The following PIKFYVE variants were observed in gnomAD, a reference collection of about 807,000 sequenced individuals.
The protein encoded by PIKFYVE is phosphoinositide kinase, FYVE-type zinc finger containing.
In PIKFYVE, 122 loss-of-function variants were observed where a neutral mutation model predicts 257.9. The ratio of observed to expected loss-of-function variants is 0.47; its 90% CI spans 0.41 to 0.55. PIKFYVE has a LOEUF of 0.55. PIKFYVE is among the 20% of genes least tolerant of loss of function. The probability of loss-of-function intolerance (pLI) is 0.00; values close to 1 mark genes in which losing one functional copy is unlikely to be tolerated. For synonymous variants in PIKFYVE, 892 were observed against 868.9 expected (o/e 1.03, Z -0.47); for missense variants, 2,160 against 2,536.6 (o/e 0.85, Z 3.19).
At chr2:208,274,126 T>C in intron 3 of PIKFYVE, 1 of 1,478,968 alleles carries the variant, frequency 6.8e-7, no homozygotes, top group Non-Finnish European at 9.4e-7. Flanking sequence ...TGCATGCCTC[T>C]GGCTGCAGAA....
chr2:208,271,551 T>C lies in PIKFYVE; in HGVS notation c.32T>C (p.Leu11Pro). Reference protein sequence around the residue: MATDDKTSPTLDSANDLPRSP... With the variant: MATDDKTSPTPDSANDLPRSP... ...ACAGATGATAAGACGTCCCCAACAC[T>C]GGACTCTGCTAATGATTTGCCTCGA... Residue 11 changes from leucine to proline, a missense_variant, in exon 2 of 42, where the codon CTG becomes CCG. By Grantham distance (98) the Leu-to-Pro change is moderately conservative (BLOSUM62 -3). This residue lies in a region of PIKFYVE where 172 missense variants were observed against 180.6 expected (regional missense o/e 0.95). Coordinates refer to ENST00000264380, the MANE Select transcript of PIKFYVE (RefSeq NM_015040.4). 1 of 1,614,198 alleles carries C rather than the reference T, an allele frequency of 6.2e-7. No homozygotes were observed. Among genetic ancestry groups the C allele is most frequent in the Non-Finnish European group, 8.5e-7 (1 of 1,180,032 alleles).
At chr2:208,268,773 CT>C in intron 1 of PIKFYVE, among the ~76,000 whole-genome samples, 1 of 151,958 alleles carries the variant, frequency 6.6e-6, no homozygotes, top group East Asian at 1.9e-4. Flanking sequence ...TTTCCTTCCC[CT>C]TCCTCTTCCT....
chr2:208,341,822 G>C (rs192009840), intron 31 of PIKFYVE, among the ~76,000 whole-genome samples: 6 of 152,104 alleles, frequency 3.9e-5, no homozygotes, highest in Admixed American at 3.3e-4. Flanking sequence ...TATGAATTTT[G>C]TGGGAGCTGG....
At chr2:208,283,510 G>A (rs141922299) in intron 5 of PIKFYVE, among the ~76,000 whole-genome samples, 2 of 152,174 alleles carry the variant, frequency 1.3e-5, no homozygotes, top group African/African-American at 2.4e-5. Flanking sequence ...CCTTTATAGT[G>A]TAAGAAACAA....
chr2:208,272,784 CAAT>C (rs1295851306), intron 2 of PIKFYVE, among the ~76,000 whole-genome samples: 2 of 149,396 alleles, frequency 1.3e-5, no homozygotes, highest in African/African-American at 5.0e-5. Context: ...ATTTTTAAGA[CAAT>C]GATACTTAAA....
In PIKFYVE at chr2:208,334,593, A is replaced by T. The variant is rs144319996; in HGVS notation, c.4143-713A>T. 3.9e-5 allele frequency: 6 copies of T among 152,670 alleles called. No homozygotes were observed. The East Asian group carries it at 1.2e-3, about 29-fold the overall frequency. The allele number at this position is 152,670 out of a possible 1,614,324, so 9.5% of individuals were successfully genotyped here. A position where few individuals can be genotyped will look rare whatever the true frequency, so the allele number is the denominator to read the frequency against. On this transcript the variant is annotated intron_variant, in intron 24 of 41. Coordinates refer to ENST00000264380, the MANE Select transcript of PIKFYVE (RefSeq NM_015040.4). ...TCTGCTTGTTGCTTCCTTGTGTCTT[A>T]CAAGTCTTTGCTCACATTTCACCTG...
At position 208,338,555 on chromosome 2, in the gene PIKFYVE, G is replaced by A. The variant is rs1468923827; in HGVS notation, c.4659G>A (p.Gln1553=). ...CACGGAATATTTCTCCAGGACTTCA[G>A]AATGGAGAAAAAGGTTGGTTCTTGA... ...ASPRNISPGL[Q]NGEKEDRFLT... is the part of the protein sequence containing the mutation. The change falls in exon 29 of 42, where the codon CAG becomes CAA. Residue 1553 remains glutamine, a synonymous_variant. Coordinates refer to ENST00000264380, the MANE Select transcript of PIKFYVE (RefSeq NM_015040.4). 4 of 1,613,186 alleles carry A rather than the reference G, an allele frequency of 2.5e-6. No homozygotes were observed. Among genetic ancestry groups the A allele is most frequent in the Middle Eastern group, 1.7e-4 (1 of 6,054 alleles).
chr2:208,343,610 G>C lies in PIKFYVE; in HGVS notation c.5027+961G>C, dbSNP rs73983756. Among the ~76,000 whole-genome samples the C allele has an allele frequency of 6.6e-3, 1,006 of 152,258 alleles. 12 individuals carry two copies. The highest frequency in any genetic ancestry group is 0.023 in the African/African-American group (946 of 41,544). ...ACAACAAAAGTTATGTGAATGTGCT[G>C]TCTCTCTTTCTAAATATGTTAATGT... On this transcript the variant is annotated intron_variant, in intron 32 of 41. Transcript: ENST00000264380.
At chr2:208,280,833 CATT>C (rs1236911768) in intron 5 of PIKFYVE, among the ~76,000 whole-genome samples, 1 of 152,218 alleles carries the variant, frequency 6.6e-6, no homozygotes, top group Non-Finnish European at 1.5e-5. Context: ...CTTGTGGAGA[CATT>C]ATGATCAACT....
intron 12 of PIKFYVE, among the ~76,000 whole-genome samples, chr2:208,309,540 G>C (rs1331077995): frequency 1.3e-5 from 2 of 152,196 alleles, no homozygotes; most frequent in South Asian, 2.1e-4. Flanking sequence ...TTTATGAATA[G>C]AACGAGGTTG....
chr2:208,311,372 G>T lies in PIKFYVE; in HGVS notation c.1637-864G>T, dbSNP rs1574565124. Among the ~76,000 whole-genome samples, 4 of 152,136 alleles carry T rather than the reference G, an allele frequency of 2.6e-5. No individual in the cohort carries two copies. In the South Asian group the frequency reaches 6.2e-4, roughly 24 times the overall value. ...AAATATTTTCTTTGTTTCCTGGTTG[G>T]AAGGATGAGCATATTGGCTTATAAA... On this transcript the variant is annotated intron_variant, in intron 12 of 41. Transcript: ENST00000264380.
intron 17 of PIKFYVE, among the ~76,000 whole-genome samples, chr2:208,322,038 G>A (rs1394012707): frequency 2.6e-5 from 4 of 152,106 alleles, no homozygotes; most frequent in African/African-American, 9.7e-5. Flanking sequence ...CAGAAAAAGG[G>A]ATAACTCATG....
At chr2:208,271,859 C>A (rs1028566191) in intron 2 of PIKFYVE, among the ~76,000 whole-genome samples, 168 bp downstream of exon 2, 2 of 152,142 alleles carry the variant, frequency 1.3e-5, no homozygotes, top group Non-Finnish European at 2.9e-5. Flanking sequence ...AATCGTAGGT[C>A]TCCAGGGTTT....
intron 34 of PIKFYVE, among the ~76,000 whole-genome samples, chr2:208,347,129 G>A (rs1216761065): frequency 6.6e-6 from 1 of 152,216 alleles, no homozygotes; most frequent in African/African-American, 2.4e-5. Context: ...CATTCTGTTG[G>A]TGGGGAACCA....
At chr2:208,284,030 ATAT>A (rs1455400587) in intron 5 of PIKFYVE, among the ~76,000 whole-genome samples, 2 of 152,236 alleles carry the variant, frequency 1.3e-5, no homozygotes, top group African/African-American at 2.4e-5. Flanking sequence ...CAGTTTTCTA[ATAT>A]TAGTGGGAAA....
rs1322612255 is a variant in PIKFYVE at position 208,293,305 on chromosome 2, G to A, written c.911+4487G>A. ...AATATATTGTTGCTATTATTTTGAA[G>A]AAATAGTTATCTGTTACATCAACTA... On this transcript the variant is annotated intron_variant, in intron 7 of 41. Transcript: ENST00000264380. 2.0e-5 allele frequency among the ~76,000 whole-genome samples: 3 copies of A among 152,002 alleles called. No homozygotes were observed. The East Asian group carries it at 5.8e-4, about 29-fold the overall frequency.
rs917457690 is a variant in PIKFYVE at position 208,285,646 on chromosome 2, A to G, written c.614-80A>G. On this transcript the variant is annotated intron_variant, in intron 5 of 41. Transcript: ENST00000264380. ...AGATGAACTGTTGACCCAAGGAGTTAAAAAAGTTACGTTAAGCAATATGTT... is the reference window on the plus strand; with the variant it reads ...AGATGAACTGTTGACCCAAGGAGTTGAAAAAGTTACGTTAAGCAATATGTT... The G allele has an allele frequency of 1.8e-5, 23 of 1,264,554 alleles. No homozygotes were observed. In the African/African-American group the frequency reaches 3.4e-4, roughly 19 times the overall value. The allele number at this position is 1,264,554 out of a possible 1,614,324, so 78.3% of individuals were successfully genotyped here.
At chr2:208,332,715 T>C (rs1426439218) in intron 23 of PIKFYVE, among the ~76,000 whole-genome samples, 1 of 152,166 alleles carries the variant, frequency 6.6e-6, no homozygotes, top group African/African-American at 2.4e-5. Context: ...TTTACAAATA[T>C]ACTGGCTGTG....
At chr2:208,326,574 G>C in intron 20 of PIKFYVE, 145 bp downstream of exon 20, 1 of 893,742 alleles carries the variant, frequency 1.1e-6, no homozygotes, top group Non-Finnish European at 1.8e-6. Context: ...TTTTTGTCTT[G>C]AGTCTGCTGG....
Sources: allele counts gnomAD v4.1 joint callset (sites outside exome capture counted in the v4.1 genomes callset), GRCh38; gene constraint gnomAD v4.1.1; regional missense constraint gnomAD v4.1.1; transcripts MANE v1.5; gene names NCBI Gene and HGNC (gene_info 2026-07-23, HGNC 2026-07-21).